Variants in OLFM3 observed in about 807,000 individuals in gnomAD.
OLFM3 encodes the protein noelin-3.
In OLFM3, 20 loss-of-function variants were observed where a neutral mutation model predicts 48.6. That is an observed-to-expected ratio of 0.41 (90% CI 0.29 to 0.60). The LOEUF is 0.60. OLFM3 is among the 20% of genes least tolerant of loss of function. The probability of loss-of-function intolerance (pLI) is 0.28; values close to 1 mark genes in which losing one functional copy is unlikely to be tolerated. For synonymous variants in OLFM3, 222 were observed against 198.1 expected (o/e 1.12, Z -1.01); for missense variants, 437 against 544.3 (o/e 0.80, Z 1.96).
At chr1:101,952,454 A>G (rs1427014491) in intron 1 of OLFM3, among the ~76,000 whole-genome samples, 1 of 152,134 alleles carries the variant, frequency 6.6e-6, no homozygotes, top group Non-Finnish European at 1.5e-5. Context: ...AGTAGATGGT[A>G]TATATAATGA....
In OLFM3 at chr1:101,855,907, CAATTTTCTGAAAAGTTGTTATGAG is replaced by C. The variant is rs1303981621; in HGVS notation, c.70-18906_70-18883del. 1.6e-4 allele frequency among the ~76,000 whole-genome samples: 24 copies of C among 151,006 alleles called. 1 individual carries two copies. The highest frequency in any genetic ancestry group is 4.4e-5 in the Non-Finnish European group (3 of 67,950). On this transcript the variant is annotated intron_variant, in intron 1 of 5. Coordinates refer to ENST00000370103, the MANE Select transcript of OLFM3 (RefSeq NM_058170.4). ...GAACAAAATTGGATCTTCAAATGTG[CAATTTTCTGAAAAGTTGTTATGAG>C]TTGTTTCATAAAGCTTATCTCCCTC...
chr1:101,959,723 G>T (rs768227187), intron 1 of OLFM3, among the ~76,000 whole-genome samples: 1 of 152,136 alleles, frequency 6.6e-6, no homozygotes, highest in African/African-American at 2.4e-5. Context: ...AGTCAAGACC[G>T]TATAAGGCAG....
chr1:101,804,959 C>A lies in OLFM3; in HGVS notation c.700-44G>T. On this transcript the variant is annotated intron_variant, in intron 5 of 5. Coordinates refer to ENST00000370103, the MANE Select transcript of OLFM3 (RefSeq NM_058170.4). The surrounding 1 kb of genome is among the most constrained non-coding windows in gnomAD (Gnocchi z 4.5). ...ATAAATGGAGTGACTAAATTCTGTA[C>A]TTTTCTGATAACCCCAAAAGAAAGA... 6.9e-7 allele frequency: 1 copy of A among 1,452,186 alleles called. No individual in the cohort carries two copies. Among genetic ancestry groups the A allele is most frequent in the Non-Finnish European group, 9.4e-7 (1 of 1,068,644 alleles). 90.0% of individuals were successfully genotyped at this position (1,452,186 alleles called of 1,614,324 possible).
At chr1:101,962,161 T>G (rs909466625) in intron 1 of OLFM3, among the ~76,000 whole-genome samples, 19 of 152,116 alleles carry the variant, frequency 1.2e-4, no homozygotes, top group Non-Finnish European at 2.9e-5. Context: ...GAGTTCAGTG[T>G]TGTAAAAAGA....
intron 4 of OLFM3, among the ~76,000 whole-genome samples, chr1:101,819,932 G>C (rs1282086207): frequency 1.3e-5 from 2 of 151,986 alleles, no homozygotes; most frequent in Non-Finnish European, 2.9e-5. Flanking sequence ...AGCTGGCCTA[G>C]CGCTTGTCAA....
chr1:101,947,586 A>G (rs543383156), intron 1 of OLFM3, among the ~76,000 whole-genome samples: 1 of 152,314 alleles, frequency 6.6e-6, no homozygotes, highest in South Asian at 2.1e-4. Context: ...TGGACAACAT[A>G]TTGAGACATA....
intron 1 of OLFM3, among the ~76,000 whole-genome samples, chr1:101,873,801 A>C (rs1295096365): frequency 6.6e-6 from 1 of 151,810 alleles, no homozygotes; most frequent in Non-Finnish European, 1.5e-5. Context: ...AAATAATGGT[A>C]CTCTGAGAAC....
chr1:101,872,049 G>A (rs1657102998), intron 1 of OLFM3, among the ~76,000 whole-genome samples: 1 of 152,034 alleles, frequency 6.6e-6, no homozygotes, highest in South Asian at 2.1e-4. Flanking sequence ...AGAATGGGTG[G>A]CAGTTTTGCA....
chr1:101,988,180 T>C (rs36018911), intron 1 of OLFM3, among the ~76,000 whole-genome samples: 22,066 of 151,996 alleles, frequency 0.15, 2,158 homozygotes, highest in Non-Finnish European at 0.19. Context: ...ATAGGTAATA[T>C]ATGAATTTAT....
intron 1 of OLFM3, among the ~76,000 whole-genome samples, chr1:101,978,037 C>A (rs1661003557): frequency 6.6e-6 from 1 of 152,010 alleles, no homozygotes; most frequent in Admixed American, 6.6e-5. Context: ...ATAGCATGAG[C>A]AATATTTTTT....
At chr1:101,927,493 T>C (rs556400405) in intron 1 of OLFM3, among the ~76,000 whole-genome samples, 1 of 152,034 alleles carries the variant, frequency 6.6e-6, no homozygotes, top group African/African-American at 2.4e-5. Flanking sequence ...AAGAAGATAA[T>C]CAGGTTAAAG....
At chr1:101,868,021 C>T (rs1380617035) in intron 1 of OLFM3, among the ~76,000 whole-genome samples, 3 of 152,112 alleles carry the variant, frequency 2.0e-5, no homozygotes, top group Admixed American at 6.6e-5. Context: ...TGTTTGCTTC[C>T]CCTTCCACCA....
At chr1:101,990,054 C>T (rs1661356930) in intron 1 of OLFM3, among the ~76,000 whole-genome samples, 1 of 152,118 alleles carries the variant, frequency 6.6e-6, no homozygotes, top group Admixed American at 6.5e-5. Flanking sequence ...ATATCTTTCC[C>T]CTATGTGATC....
intron 1 of OLFM3, among the ~76,000 whole-genome samples, chr1:101,959,871 G>C (rs542993090): frequency 6.6e-6 from 1 of 152,148 alleles, no homozygotes; most frequent in South Asian, 2.1e-4. Context: ...AATTTCCCAC[G>C]AGAAATATGG....
intron 1 of OLFM3, among the ~76,000 whole-genome samples, chr1:101,969,478 T>C (rs1268832805): frequency 6.6e-6 from 1 of 152,124 alleles, no homozygotes; most frequent in African/African-American, 2.4e-5. Context: ...ACTTGTCTTT[T>C]TATTATCGTA....
intron 1 of OLFM3, among the ~76,000 whole-genome samples, chr1:101,994,660 T>C (rs947326756): frequency 3.1e-4 from 47 of 150,628 alleles, no homozygotes; most frequent in Admixed American, 1.4e-3. Context: ...TTTAAAGCAA[T>C]GTTTTGTCTA....
intron 1 of OLFM3, among the ~76,000 whole-genome samples, chr1:101,929,770 G>A (rs566036306): frequency 1.3e-4 from 19 of 151,920 alleles, no homozygotes; most frequent in Non-Finnish European, 2.6e-4. Context: ...ATTTTTCCAA[G>A]TCTTTTGCAA....
At chr1:101,986,018 T>G (rs1661224407) in intron 1 of OLFM3, among the ~76,000 whole-genome samples, 1 of 149,230 alleles carries the variant, frequency 6.7e-6, no homozygotes. Context: ...CAGGCTGGAG[T>G]GCAGTGGCGC....
intron 4 of OLFM3, among the ~76,000 whole-genome samples, chr1:101,820,280 C>G (rs1444849268): frequency 6.6e-6 from 1 of 152,008 alleles, no homozygotes; most frequent in Non-Finnish European, 1.5e-5. Context: ...CTAGATGGCA[C>G]CAAACCATTG....
Sources: gnomAD v4.1 joint callset for allele counts (sites outside exome capture counted in the v4.1 genomes callset) on GRCh38, gnomAD v4.1.1 for gene constraint, Gnocchi (gnomAD v3.1) non-coding constraint, MANE v1.5 for transcripts, NCBI Gene and HGNC (gene_info 2026-07-23, HGNC 2026-07-21) for gene names.